Variants in RANBP2 observed in about 807,000 individuals in gnomAD.
RANBP2 encodes the protein RAN binding protein 2, also known as E3 SUMO-protein ligase RanBP2.
Under a neutral mutation model 303.6 loss-of-function variants are expected in RANBP2, and 57 were observed. That is an observed-to-expected ratio of 0.19 (90% confidence interval 0.15 to 0.23). RANBP2 has a LOEUF of 0.23. Ranked by LOEUF, RANBP2 falls within the 10% of genes least tolerant of loss-of-function variation. The probability of loss-of-function intolerance (pLI) is 1.00; values close to 1 mark genes in which losing one functional copy is unlikely to be tolerated. For synonymous variants in RANBP2, 1,167 were observed against 1,301.5 expected (o/e 0.90, Z 2.23); for missense variants, 3,138 against 3,780.8 (o/e 0.83, Z 4.46).
chr2:109,143,285 T>G, the RANBP2 span, among the ~76,000 whole-genome samples: 6 of 152,222 alleles, frequency 3.9e-5, no homozygotes, highest in Non-Finnish European at 8.8e-5. Flanking sequence ...GTAAGTATCG[T>G]GAAACTGAGG....
At chr2:109,628,573 G>C in the RANBP2 span, among the ~76,000 whole-genome samples, 3 of 152,152 alleles carry the variant, frequency 2.0e-5, no homozygotes, top group Non-Finnish European at 4.4e-5. Flanking sequence ...GCCACATTCA[G>C]TTTATACTAA....
At chr2:109,448,707 A>G in the RANBP2 span, among the ~76,000 whole-genome samples, 1 of 152,176 alleles carries the variant, frequency 6.6e-6, no homozygotes, top group African/African-American at 2.4e-5. Flanking sequence ...TATATATTAC[A>G]ATGTAGTAAT....
chr2:109,690,728 G>A, the RANBP2 span, among the ~76,000 whole-genome samples: 1 of 150,768 alleles, frequency 6.6e-6, no homozygotes. Flanking sequence ...AAGCTCCTGA[G>A]AAACACCTTG....
chr2:109,468,855 G>GA, the RANBP2 span, among the ~76,000 whole-genome samples: 7,913 of 64,734 alleles, frequency 0.12, 729 homozygotes, highest in African/African-American at 0.26. Context: ...CTCTGTCTCA[G>GA]AAAAAAAAAA....
At chr2:109,292,228 T>G in the RANBP2 span, among the ~76,000 whole-genome samples, 1 of 152,246 alleles carries the variant, frequency 6.6e-6, no homozygotes, top group Non-Finnish European at 1.5e-5. Context: ...ACAGAAAATT[T>G]GTAATGTATA....
the RANBP2 span, among the ~76,000 whole-genome samples, chr2:108,888,551 G>T: frequency 2.0e-5 from 3 of 151,768 alleles, no homozygotes; most frequent in Non-Finnish European, 4.4e-5. Flanking sequence ...TAGGTTTTAT[G>T]TTTCTGGGAA....
chr2:108,813,995 A>G, the RANBP2 span, among the ~76,000 whole-genome samples: 1 of 152,182 alleles, frequency 6.6e-6, no homozygotes, highest in East Asian at 1.9e-4. Flanking sequence ...TCTTCTGTTG[A>G]TAGACACCTG....
the RANBP2 span, among the ~76,000 whole-genome samples, chr2:109,520,197 G>A: frequency 2.0e-3 from 307 of 152,350 alleles, 1 homozygote; most frequent in African/African-American, 6.8e-3. Flanking sequence ...AAAACTGCAT[G>A]TGAATCCACA....
chr2:109,733,607 C>G, the RANBP2 span, among the ~76,000 whole-genome samples: 1 of 152,060 alleles, frequency 6.6e-6, no homozygotes, highest in Non-Finnish European at 1.5e-5. Context: ...AATCCCAGCA[C>G]TTTGTGAGGC....
chr2:109,167,644 T>C, the RANBP2 span, among the ~76,000 whole-genome samples: 2 of 152,376 alleles, frequency 1.3e-5, no homozygotes, highest in Admixed American at 6.5e-5. Context: ...CGATCTCGGC[T>C]CACTGCAACC....
At chr2:109,519,072 C>A in the RANBP2 span, among the ~76,000 whole-genome samples, 11 of 152,102 alleles carry the variant, frequency 7.2e-5, no homozygotes, top group African/African-American at 2.4e-4. Context: ...GTGCCCGCCA[C>A]CATGCCTGGC....
the RANBP2 span, chr2:109,398,780 G>A: frequency 2.5e-6 from 4 of 1,613,606 alleles, no homozygotes; most frequent in African/African-American, 1.3e-5. Flanking sequence ...ACCAAGAAAC[G>A]CCACTCCTTC....
chr2:109,671,970 A>G, the RANBP2 span, among the ~76,000 whole-genome samples: 4 of 151,630 alleles, frequency 2.6e-5, no homozygotes, highest in Non-Finnish European at 5.9e-5. Context: ...TCATTCGCTT[A>G]TGCTCCTGCT....
the RANBP2 span, among the ~76,000 whole-genome samples, chr2:109,269,224 T>A: frequency 6.6e-6 from 1 of 152,222 alleles, no homozygotes; most frequent in Non-Finnish European, 1.5e-5. Context: ...GCTACTGTGA[T>A]AGAGCCAGAT....
At chr2:109,686,574 A>G in the RANBP2 span, among the ~76,000 whole-genome samples, 33 of 152,094 alleles carry the variant, frequency 2.2e-4, no homozygotes, top group African/African-American at 6.0e-4. Context: ...CGGCCTCCCA[A>G]CGTGCTGGGA....
At chr2:109,463,987 T>C in the RANBP2 span, among the ~76,000 whole-genome samples, 1 of 152,124 alleles carries the variant, frequency 6.6e-6, no homozygotes, top group South Asian at 2.1e-4. Context: ...AGAGGAAGGA[T>C]AGACCCTCGC....
chr2:109,546,350 A>C, the RANBP2 span: 1 of 555,354 alleles, frequency 1.8e-6, no homozygotes, highest in African/African-American at 1.9e-5. Context: ...TAACCTACAC[A>C]GTCAAAATCT....
At chr2:109,031,939 T>A in the RANBP2 span, among the ~76,000 whole-genome samples, 1 of 140,808 alleles carries the variant, frequency 7.1e-6, no homozygotes, top group Non-Finnish European at 1.5e-5. Context: ...TCACTCTCTT[T>A]GACCTTTTGC....
At chr2:109,034,270 C>CA in the RANBP2 span, among the ~76,000 whole-genome samples, 11,849 of 37,990 alleles carry the variant, frequency 0.31, 3,907 homozygotes, top group East Asian at 0.74. Flanking sequence ...GACTCCATCT[C>CA]AAAAAAAAAA....
Sources: allele counts gnomAD v4.1 joint callset (sites outside exome capture counted in the v4.1 genomes callset), GRCh38; gene constraint gnomAD v4.1.1; transcripts MANE v1.5; gene names NCBI Gene and HGNC (gene_info 2026-07-23, HGNC 2026-07-21).